CHODL: variants seen among roughly 807,000 people sequenced by gnomAD.
CHODL encodes chondrolectin, also known as transmembrane protein MT75.
Under a neutral mutation model 34.5 loss-of-function variants are expected in CHODL, and 29 were observed. The ratio of observed to expected loss-of-function variants is 0.84; its 90% CI spans 0.63 to 1.15. CHODL has a LOEUF of 1.15. Ranked by LOEUF, CHODL falls within the 50% of genes most tolerant of loss-of-function variation. CHODL has a pLI of 0.00. For synonymous variants in CHODL, 125 were observed against 116.1 expected, an observed-to-expected ratio of 1.08 and a Z score of -0.49; for missense variants, 332 against 332.5, an observed-to-expected ratio of 1.00 and a Z score of 0.01.
At chr21:18,187,989 T>C (rs552161873) in intron 2 of CHODL, among the ~76,000 whole-genome samples, 4 of 152,284 alleles carry the variant, frequency 2.6e-5, no homozygotes, top group East Asian at 3.9e-4. Flanking sequence ...ATTAGTGAGT[T>C]TGGAATGACC....
At chr21:17,926,439 G>C (rs1291036136) in intron 1 of CHODL, among the ~76,000 whole-genome samples, 1 of 149,760 alleles carries the variant, frequency 6.7e-6, no homozygotes, top group Admixed American at 6.7e-5. Context: ...AGAAATACCT[G>C]AGATTGGATA....
At chr21:18,250,082 C>T (rs1028080587) in intron 1 of CHODL, among the ~76,000 whole-genome samples, 1 of 152,076 alleles carries the variant, frequency 6.6e-6, no homozygotes, top group South Asian at 2.1e-4. Flanking sequence ...TAAATTATTG[C>T]TAAATTTGAG....
At chr21:18,141,152 T>A (rs1385425500) in intron 2 of CHODL, among the ~76,000 whole-genome samples, 1 of 151,990 alleles carries the variant, frequency 6.6e-6, no homozygotes, top group Non-Finnish European at 1.5e-5. Context: ...GTAATGGAGA[T>A]AAACCCAGAA....
chr21:18,092,488 G>A (rs566725306), intron 2 of CHODL, among the ~76,000 whole-genome samples: 13 of 152,130 alleles, frequency 8.5e-5, no homozygotes, highest in Non-Finnish European at 1.9e-4. Flanking sequence ...ATCTAAATAA[G>A]GCACCAGGGA....
chr21:18,125,688 C>T (rs1008027696), intron 2 of CHODL, among the ~76,000 whole-genome samples: 5 of 151,882 alleles, frequency 3.3e-5, no homozygotes, highest in African/African-American at 4.8e-5. Flanking sequence ...CTCCGCCTCA[C>T]GGGTTCATGC....
chr21:18,266,056 T>C lies in CHODL; in HGVS notation c.*18T>C, dbSNP rs377191006. On this transcript the variant is annotated 3_prime_UTR_variant, in exon 6 of 6. Transcript: ENST00000299295. ...AAGTATAATAACTCATTGACTTGGTTCCAGAATTTTGTAATTCTGGATCTG... is the reference window on the plus strand; with the variant it reads ...AAGTATAATAACTCATTGACTTGGTCCCAGAATTTTGTAATTCTGGATCTG... The C allele has an allele frequency of 2.1e-4, 339 of 1,613,690 alleles. No individual in the cohort carries two copies. Among genetic ancestry groups the C allele is most frequent in the Middle Eastern group, 6.6e-4 (4 of 6,080 alleles).
intron 2 of CHODL, among the ~76,000 whole-genome samples, chr21:18,035,531 TCAAA>T (rs977985537): frequency 3.9e-5 from 6 of 151,990 alleles, no homozygotes; most frequent in Non-Finnish European, 8.8e-5. Context: ...CACTATTTCT[TCAAA>T]CAGTTTTTTC....
chr21:18,218,898 T>C (rs1224348670), intron 2 of CHODL, among the ~76,000 whole-genome samples: 1 of 152,188 alleles, frequency 6.6e-6, no homozygotes, highest in African/African-American at 2.4e-5. Context: ...AGTATCAGCA[T>C]TTTGGTCAAA....
intron 1 of CHODL, among the ~76,000 whole-genome samples, chr21:17,930,951 T>A (rs185196643): frequency 6.6e-6 from 1 of 152,322 alleles, no homozygotes; most frequent in East Asian, 1.9e-4. Context: ...TCCCTGGCTT[T>A]CGGTGACATT....
At chr21:18,226,030 G>A (rs544117612) in intron 2 of CHODL, among the ~76,000 whole-genome samples, 8 of 152,156 alleles carry the variant, frequency 5.3e-5, no homozygotes, top group African/African-American at 9.6e-5. Context: ...AATCTAGCCC[G>A]TTGGGGAGAA....
At chr21:17,994,452 G>A (rs565313008) in intron 1 of CHODL, among the ~76,000 whole-genome samples, 7 of 152,330 alleles carry the variant, frequency 4.6e-5, no homozygotes, top group African/African-American at 1.7e-4. Flanking sequence ...ACTTGGGTGG[G>A]TCATGTGAGA....
At chr21:18,013,654 A>G (rs372358493) in intron 1 of CHODL, among the ~76,000 whole-genome samples, 1 of 10,942 alleles carries the variant, frequency 9.1e-5, no homozygotes, top group African/African-American at 9.0e-4. Flanking sequence ...TTTTTTTTTG[A>G]GACAGAGTCT....
intron 2 of CHODL, among the ~76,000 whole-genome samples, chr21:18,089,380 A>G (rs2065045072): frequency 1.3e-5 from 2 of 152,050 alleles, no homozygotes; most frequent in South Asian, 4.1e-4. Context: ...TAAACTTTAG[A>G]ACTTTGTTAG....
At chr21:18,187,824 A>C (rs1383821816) in intron 2 of CHODL, among the ~76,000 whole-genome samples, 1 of 152,164 alleles carries the variant, frequency 6.6e-6, no homozygotes, top group Non-Finnish European at 1.5e-5. Context: ...ATTAGCATAT[A>C]AACATTTTTG....
chr21:18,065,678 T>A (rs1049733284), intron 2 of CHODL, among the ~76,000 whole-genome samples: 21 of 152,142 alleles, frequency 1.4e-4, no homozygotes, highest in African/African-American at 5.1e-4. Context: ...AGAACATCAG[T>A]GTTTTAGCAA....
chr21:18,203,533 G>T (rs938668696), intron 2 of CHODL, among the ~76,000 whole-genome samples: 3 of 152,038 alleles, frequency 2.0e-5, no homozygotes, highest in Non-Finnish European at 4.4e-5. Flanking sequence ...ACAATTGAAA[G>T]TATAAAGAAG....
chr21:18,077,773 T>C (rs2064884308), intron 2 of CHODL, among the ~76,000 whole-genome samples: 3 of 152,256 alleles, frequency 2.0e-5, no homozygotes, highest in South Asian at 2.1e-4. Flanking sequence ...GCCTCCCGAA[T>C]TGTGAGAAAT....
At chr21:18,051,676 A>G (rs2146469362) in intron 2 of CHODL, among the ~76,000 whole-genome samples, 1 of 152,056 alleles carries the variant, frequency 6.6e-6, no homozygotes, top group East Asian at 1.9e-4. Context: ...GAATTTTAAG[A>G]AATGTTTGGT....
At chr21:17,987,186 C>T (rs2146382809) in intron 1 of CHODL, among the ~76,000 whole-genome samples, 1 of 152,206 alleles carries the variant, frequency 6.6e-6, no homozygotes, top group South Asian at 2.1e-4. Flanking sequence ...TTCCCACTAG[C>T]CCAATCTCAG....
Sources: allele counts gnomAD v4.1 joint callset (sites outside exome capture counted in the v4.1 genomes callset), GRCh38; gene constraint gnomAD v4.1.1; transcripts MANE v1.5; gene names NCBI Gene and HGNC (gene_info 2026-07-23, HGNC 2026-07-21).